REPS2: variants seen among roughly 807,000 people sequenced by gnomAD.
The protein encoded by REPS2 is RALBP1 associated Eps domain containing 2, also known as ralBP1-associated Eps domain-containing protein 2.
REPS2 carries 23 observed loss-of-function variants against 53.6 expected under a neutral mutation model. The ratio of observed to expected loss-of-function variants is 0.43; its 90% CI spans 0.31 to 0.61. REPS2 has a LOEUF of 0.61. REPS2 is among the 20% of genes least tolerant of loss of function. The probability of loss-of-function intolerance (pLI) is 0.11; values close to 1 mark genes in which losing one functional copy is unlikely to be tolerated. For missense variants in REPS2, 446 were observed against 534.9 expected, an observed-to-expected ratio of 0.83 and a Z score of 1.64; for synonymous variants, 238 against 218.6, an observed-to-expected ratio of 1.09 and a Z score of -0.78.
At chrX:17,193,295 G>T in the REPS2 span, among the ~76,000 whole-genome samples, 1 of 112,077 alleles carries the variant, frequency 8.9e-6, no homozygotes, top group African/African-American at 3.2e-5. Context: ...CATTGTGGTG[G>T]CTTTGTGGTT....
At chrX:17,085,630 A>T (rs1602970051) in intron 13 of REPS2, among the ~76,000 whole-genome samples, 1 of 111,988 alleles carries the variant, frequency 8.9e-6, no homozygotes, top group Admixed American at 9.5e-5. Flanking sequence ...TTTGATATAC[A>T]TTATACATTA....
At chrX:17,188,732 C>T in the REPS2 span, among the ~76,000 whole-genome samples, 1 of 111,795 alleles carries the variant, frequency 8.9e-6, no homozygotes, top group African/African-American at 3.3e-5. Flanking sequence ...CCAGAGATAA[C>T]TCATTTTCTG....
At chrX:17,154,007 A>T (rs2063592337), downstream of REPS2, among the ~76,000 whole-genome samples, 1 of 111,362 alleles carries the variant, frequency 9.0e-6, no homozygotes, top group Non-Finnish European at 1.9e-5. Flanking sequence ...ATCATCAGGG[A>T]CTTATTAGAA....
At chrX:17,021,043 G>C (rs1050352068) in intron 2 of REPS2, among the ~76,000 whole-genome samples, 20 of 112,255 alleles carry the variant, frequency 1.8e-4, no homozygotes, top group African/African-American at 6.5e-4. Flanking sequence ...ATACTTGCTT[G>C]CTGTTGCTAA....
At chrX:17,048,519 A>G (rs1264239753) in intron 6 of REPS2, among the ~76,000 whole-genome samples, 2 of 112,720 alleles carry the variant, frequency 1.8e-5, no homozygotes, top group African/African-American at 3.2e-5. Context: ...TAACTTTTGT[A>G]TCTTGCAGAA....
At chrX:17,127,155 C>T (rs1603091719) in intron 14 of REPS2, among the ~76,000 whole-genome samples, 8 of 112,126 alleles carry the variant, frequency 7.1e-5, no homozygotes, top group Middle Eastern at 4.6e-3. Context: ...AGGGTGTCTT[C>T]AATTTCCAGT....
chrX:17,080,870 T>C (rs2062446309), intron 13 of REPS2, among the ~76,000 whole-genome samples: 1 of 111,762 alleles, frequency 8.9e-6, no homozygotes, highest in Non-Finnish European at 1.9e-5. Flanking sequence ...ACCACTTCTT[T>C]CTTCTTCATT....
intron 2 of REPS2, 43 bp downstream of exon 2, chrX:17,006,387 C>T (rs753942396): frequency 3.1e-5 from 35 of 1,135,324 alleles, no homozygotes; most frequent in Non-Finnish European, 3.8e-5. Flanking sequence ...CATGGCGAGT[C>T]GCTCATTTAT....
intron 9 of REPS2, among the ~76,000 whole-genome samples, chrX:17,067,872 T>C (rs138894085): frequency 0.014 from 1,565 of 112,042 alleles, 43 homozygotes; most frequent in African/African-American, 0.048. Context: ...TTAATACATG[T>C]GCCTTAATCT....
At chrX:16,952,799 T>G (rs2060530907) in intron 1 of REPS2, among the ~76,000 whole-genome samples, 1 of 111,745 alleles carries the variant, frequency 8.9e-6, no homozygotes, top group African/African-American at 3.3e-5. Flanking sequence ...TTTGTAACTA[T>G]ACTTTAGGGA....
Position 16,947,029 on chromosome X carries a change from G to C in REPS2, c.168G>C (p.Gly56=). Residue 56 remains glycine, a synonymous_variant, in exon 1 of 18, where the codon GGG becomes GGC. Transcript: ENST00000357277. ...CCGCGGGCGGGGGCCCCGGGTCTGG[G>C]CCCCCCGAGGCCGCCAGAGTCGCCC... ...AGAAGGGPGS[G]PPEAARVAPG... 1 of 980,703 alleles carries C rather than the reference G, an allele frequency of 1.0e-6. No homozygotes were observed. Among genetic ancestry groups the C allele is most frequent in the Non-Finnish European group, 1.3e-6 (1 of 783,647 alleles). The allele number at this position is 980,703 out of a possible 1,213,427, so 80.8% of individuals were successfully genotyped here.
At chrX:17,086,160 TG>T (rs2062533131) in intron 13 of REPS2, among the ~76,000 whole-genome samples, 1 of 112,039 alleles carries the variant, frequency 8.9e-6, no homozygotes, top group African/African-American at 3.2e-5. Flanking sequence ...GCTGATTGTT[TG>T]TTCTTCCATC....
rs1003695351 is a variant in REPS2 at position 17,147,726 on chromosome X, G to C, written c.*245G>C. The C allele has an allele frequency of 7.1e-6, 2 of 281,772 alleles. No individual in the cohort carries two copies. The highest frequency in any genetic ancestry group is 5.5e-5 in the African/African-American group (2 of 36,525). 23.2% of individuals were successfully genotyped at this position (281,772 alleles called of 1,213,427 possible). ...AGTGGAATTTGTCTCCTATTCTTAA[G>C]TACTTCTGCAAGGTATTAGATGCTG... On this transcript the variant is annotated 3_prime_UTR_variant, in exon 18 of 18. Transcript: ENST00000357277.
At chrX:16,981,232 G>A (rs2061015988) in intron 1 of REPS2, among the ~76,000 whole-genome samples, 1 of 111,571 alleles carries the variant, frequency 9.0e-6, no homozygotes, top group Non-Finnish European at 1.9e-5. Flanking sequence ...TGGGAACTTG[G>A]ATGCCTGATG....
intron 14 of REPS2, among the ~76,000 whole-genome samples, chrX:17,122,385 A>G (rs2148116267): frequency 8.9e-6 from 1 of 112,474 alleles, no homozygotes; most frequent in African/African-American, 3.2e-5. Flanking sequence ...AATTGAGATC[A>G]TTGCTGTATA....
intron 9 of REPS2, among the ~76,000 whole-genome samples, chrX:17,067,487 G>T (rs1036727935): frequency 4.5e-5 from 5 of 111,907 alleles, no homozygotes; most frequent in Non-Finnish European, 5.6e-5. Flanking sequence ...ATTAACTATA[G>T]TTAGAATGTG....
At chrX:16,974,629 A>G (rs1356568736) in intron 1 of REPS2, among the ~76,000 whole-genome samples, 1 of 110,615 alleles carries the variant, frequency 9.0e-6, no homozygotes, top group East Asian at 2.8e-4. Flanking sequence ...TGGGCGACAG[A>G]GCTAGATGCT....
At chrX:17,070,667 G>A (rs1254403999) in intron 11 of REPS2, among the ~76,000 whole-genome samples, 2 of 111,885 alleles carry the variant, frequency 1.8e-5, no homozygotes, top group Non-Finnish European at 3.8e-5. Context: ...AAAAGTTGTT[G>A]CTTTCTCTTT....
intron 13 of REPS2, among the ~76,000 whole-genome samples, chrX:17,079,990 T>G (rs1261213224): frequency 2.7e-5 from 3 of 112,197 alleles, no homozygotes; most frequent in Non-Finnish European, 5.6e-5. Context: ...GTCTACTCAC[T>G]GAGAATCATG....
Sources: gnomAD v4.1 joint callset for allele counts (sites outside exome capture counted in the v4.1 genomes callset) on GRCh38, gnomAD v4.1.1 for gene constraint, MANE v1.5 for transcripts, NCBI Gene and HGNC (gene_info 2026-07-23, HGNC 2026-07-21) for gene names.